Variants in WDPCP observed in about 807,000 individuals in gnomAD.
The protein encoded by WDPCP is WD repeat-containing and planar cell polarity effector protein fritz homolog.
A neutral mutation model predicts 93.1 loss-of-function variants in WDPCP; 71 were observed. That is an observed-to-expected ratio of 0.76 (90% CI 0.63 to 0.93). The LOEUF (loss-of-function observed/expected upper bound fraction) is 0.93, where lower values mean the gene tolerates loss of function less well. Among genes scored for constraint, WDPCP ranks in the 40% least tolerant of loss-of-function variants. The probability of loss-of-function intolerance (pLI) is 0.00; values close to 1 mark genes in which losing one functional copy is unlikely to be tolerated. For synonymous variants in WDPCP, 315 were observed against 315.0 expected (o/e 1.00, Z 0.00); for missense variants, 844 against 887.4 (o/e 0.95, Z 0.62).
At chr2:63,249,020 C>T (rs1265566513) in intron 14 of WDPCP, among the ~76,000 whole-genome samples, 1 of 151,818 alleles carries the variant, frequency 6.6e-6, no homozygotes, top group Non-Finnish European at 1.5e-5. Flanking sequence ...GATGTCTGTG[C>T]TTTCTCAGGT....
At chr2:63,234,605 A>G (rs1338277932) in intron 14 of WDPCP, among the ~76,000 whole-genome samples, 2 of 152,224 alleles carry the variant, frequency 1.3e-5, no homozygotes, top group African/African-American at 2.4e-5. Flanking sequence ...GCTTTTGTTA[A>G]TTTTGTAGAC....
At chr2:63,555,557 C>A (rs1370223608) in intron 1 of WDPCP, among the ~76,000 whole-genome samples, 2 of 152,196 alleles carry the variant, frequency 1.3e-5, no homozygotes, top group African/African-American at 4.8e-5. Context: ...CCCCCCGCAA[C>A]AGGGGTTGCA....
chr2:63,143,279 T>C (rs1287211764), intron 17 of WDPCP, among the ~76,000 whole-genome samples: 1 of 152,208 alleles, frequency 6.6e-6, no homozygotes, highest in Non-Finnish European at 1.5e-5. Context: ...AAATGCCTTT[T>C]TCTGCCCCTT....
chr2:63,837,618 A>C, the WDPCP span, among the ~76,000 whole-genome samples: 1 of 152,344 alleles, frequency 6.6e-6, no homozygotes, highest in Non-Finnish European at 1.5e-5. Context: ...TCATACCTTT[A>C]ACAATTCCTA....
intron 13 of WDPCP, among the ~76,000 whole-genome samples, chr2:63,301,997 C>T (rs1020491001): frequency 1.3e-5 from 2 of 152,136 alleles, no homozygotes; most frequent in Admixed American, 6.5e-5. Context: ...GCAATCATAT[C>T]GGGCAGACCC....
Position 63,496,726 on chromosome 2 carries a change from TA to T in WDPCP, c.76-3787del, listed in dbSNP as rs746464062. Reference sequence around the variant, plus strand: ...AAACAACACTGCTCTAGTTTCCCATTAAAAAGCACAGGACAAAAGAAGGAGA... The same window carrying T: ...AAACAACACTGCTCTAGTTTCCCATTAAAAGCACAGGACAAAAGAAGGAGA... On this transcript the variant is annotated intron_variant, in intron 1 of 17. Coordinates refer to ENST00000272321, the MANE Select transcript of WDPCP (RefSeq NM_015910.7). Among the ~76,000 whole-genome samples the T allele has an allele frequency of 8.5e-4, 130 of 152,298 alleles. No homozygotes were observed. In the Middle Eastern group the frequency reaches 0.01, roughly 12 times the overall value.
chr2:63,184,577 A>T (rs1472138464), intron 14 of WDPCP, among the ~76,000 whole-genome samples: 1 of 152,130 alleles, frequency 6.6e-6, no homozygotes, highest in Non-Finnish European at 1.5e-5. Context: ...CCCACTGAGA[A>T]GTCCACCGTT....
chr2:63,781,381 G>A (rs1171851763), intron 2 of WDPCP, among the ~76,000 whole-genome samples: 1 of 152,130 alleles, frequency 6.6e-6, no homozygotes, highest in Non-Finnish European at 1.5e-5. Context: ...ATATTTGTGG[G>A]GTGACTTGGG....
rs1210953037 is a variant in WDPCP at position 63,331,147 on chromosome 2, T to C, written c.1749-17836A>G. 6.6e-5 allele frequency among the ~76,000 whole-genome samples: 10 copies of C among 152,298 alleles called. No homozygotes were observed. The East Asian group carries it at 1.7e-3, about 26-fold the overall frequency. ...TTGGGATTACAGGCATAAGCCATCA[T>C]GCCTAATTTTTTTAAAGCCATCGGC... On this transcript the variant is annotated intron_variant, in intron 12 of 17. Coordinates refer to ENST00000272321, the MANE Select transcript of WDPCP (RefSeq NM_015910.7).
At chr2:63,573,228 G>T (rs1202185562) in intron 1 of WDPCP, among the ~76,000 whole-genome samples, 2 of 149,974 alleles carry the variant, frequency 1.3e-5, no homozygotes, top group East Asian at 3.9e-4. Flanking sequence ...GAGCAACAGA[G>T]CAAGACCTGC....
intron 14 of WDPCP, among the ~76,000 whole-genome samples, chr2:63,216,574 G>C (rs932453712): frequency 1.3e-5 from 2 of 152,216 alleles, no homozygotes; most frequent in East Asian, 1.9e-4. Context: ...TTGGGGGAGG[G>C]GAGAGGGATA....
intron 9 of WDPCP, among the ~76,000 whole-genome samples, chr2:63,406,262 A>G (rs1694575229): frequency 6.6e-6 from 1 of 152,144 alleles, no homozygotes; most frequent in Admixed American, 6.5e-5. Flanking sequence ...ATGGCTACCC[A>G]CTGACTAATA....
At chr2:63,223,432 A>C (rs948665054) in intron 14 of WDPCP, among the ~76,000 whole-genome samples, 1 of 152,182 alleles carries the variant, frequency 6.6e-6, no homozygotes, top group African/African-American at 2.4e-5. Flanking sequence ...AGCCATTATA[A>C]AGGCAATATT....
intron 2 of WDPCP, among the ~76,000 whole-genome samples, chr2:63,777,716 CT>C (rs1670325984): frequency 6.6e-6 from 1 of 152,084 alleles, no homozygotes; most frequent in African/African-American, 2.4e-5. Flanking sequence ...TGAATACAAA[CT>C]GTTCTATAGT....
chr2:63,206,659 C>T (rs543833376), intron 14 of WDPCP, among the ~76,000 whole-genome samples: 12 of 152,078 alleles, frequency 7.9e-5, no homozygotes, highest in East Asian at 5.8e-4. Context: ...TGCCATGTTG[C>T]GCAGGCTGGG....
intron 2 of WDPCP, among the ~76,000 whole-genome samples, chr2:63,712,821 C>G (rs1669281799): frequency 6.6e-6 from 1 of 152,210 alleles, no homozygotes; most frequent in African/African-American, 2.4e-5. Flanking sequence ...TGCCTACACC[C>G]AAGTTGCCCT....
At chr2:63,170,964 G>A (rs1673340791) in intron 15 of WDPCP, among the ~76,000 whole-genome samples, 1 of 151,848 alleles carries the variant, frequency 6.6e-6, no homozygotes, top group African/African-American at 2.4e-5. Context: ...AATTCAGTGG[G>A]GAAAATGAGT....
chr2:63,561,724 A>G (rs1400592519), intron 1 of WDPCP, among the ~76,000 whole-genome samples: 1 of 152,248 alleles, frequency 6.6e-6, no homozygotes, highest in Non-Finnish European at 1.5e-5. Context: ...ATGAAGAGAC[A>G]CTTTTCAAAA....
intron 2 of WDPCP, among the ~76,000 whole-genome samples, chr2:63,792,906 C>G (rs1415718855): frequency 6.6e-6 from 1 of 150,842 alleles, no homozygotes; most frequent in Non-Finnish European, 1.5e-5. Context: ...ATCATAGATT[C>G]AAATAACAGT....
Sources: gnomAD v4.1 joint callset for allele counts (sites outside exome capture counted in the v4.1 genomes callset) on GRCh38, gnomAD v4.1.1 for gene constraint, MANE v1.5 for transcripts, NCBI Gene and HGNC (gene_info 2026-07-23, HGNC 2026-07-21) for gene names.